Variants in XIST observed in about 807,000 individuals in gnomAD.
XIST encodes the protein X inactive specific transcript.
chrX:73,848,701 T>C, exon 1 of XIST: 1 of 558,479 alleles, frequency 1.8e-6, no homozygotes, highest in African/African-American at 2.2e-5. Flanking sequence ...GGGGTGAGAA[T>C]CCATTTTTAT....
exon 6 of XIST, chrX:73,823,372 A>T (rs1411405131): frequency 2.0e-6 from 1 of 505,745 alleles, no homozygotes; most frequent in Admixed American, 2.7e-5. Flanking sequence ...GACCTATTTA[A>T]TTTACGAAAC....
exon 1 of XIST, chrX:73,843,228 C>A: frequency 5.4e-6 from 3 of 558,318 alleles, no homozygotes; most frequent in Non-Finnish European, 9.7e-6. Flanking sequence ...GCATAATATC[C>A]CACTCTACCA....
chrX:73,842,252 GACA>G (rs1222409132), exon 1 of XIST: 5 of 533,727 alleles, frequency 9.4e-6, no homozygotes, highest in African/African-American at 4.5e-5. Flanking sequence ...ATACAAAGGG[GACA>G]ACAAGAGATT....
At chrX:73,822,006 G>C in exon 6 of XIST, 1 of 558,479 alleles carries the variant, frequency 1.8e-6, no homozygotes, top group Non-Finnish European at 3.2e-6. Flanking sequence ...TTCTGAAAGA[G>C]ATCTATTTAG....
exon 1 of XIST, chrX:73,849,172 C>A (rs1307186881): frequency 3.6e-6 from 2 of 557,581 alleles, no homozygotes; most frequent in Non-Finnish European, 6.5e-6. Flanking sequence ...ATGGGTGAGA[C>A]AATTAGCAAT....
At chrX:73,844,644 A>G (rs1481788242) in exon 1 of XIST, 2 of 557,811 alleles carry the variant, frequency 3.6e-6, no homozygotes, top group East Asian at 6.5e-5. Flanking sequence ...TTATGCGTAG[A>G]TGGGATGGGG....
At chrX:73,825,743 T>C in exon 6 of XIST, 1 of 515,576 alleles carries the variant, frequency 1.9e-6, no homozygotes, top group Non-Finnish European at 3.5e-6. Context: ...CTGATTTACA[T>C]AATGCTTCAC....
At chrX:73,834,193 A>AT (rs1423122179) in intron 2 of XIST, among the ~76,000 whole-genome samples, 2 of 112,239 alleles carry the variant, frequency 1.8e-5, no homozygotes, top group Admixed American at 1.9e-4. Context: ...CTAAAACTCC[A>AT]TTAATGAGAG....
At chrX:73,822,308 CCA>C (rs765311110) in exon 6 of XIST, 1 of 556,947 alleles carries the variant, frequency 1.8e-6, no homozygotes, top group Non-Finnish European at 3.2e-6. Flanking sequence ...ATCGTAGTGG[CCA>C]GAGTGGTAGA....
chrX:73,847,216 A>AATTCAGTCCAAGAGAGTGAATTCAG, exon 1 of XIST: 1 of 558,724 alleles, frequency 1.8e-6, no homozygotes, highest in Admixed American at 2.2e-5. Flanking sequence ...AATTCAGGCT[A>AATTCAGTCCAAGAGAGTGAATTCAG]GTTAGAAGCT....
chrX:73,840,424 G>A (rs1445235729), intron 1 of XIST, among the ~76,000 whole-genome samples: 1 of 111,440 alleles, frequency 9.0e-6, no homozygotes, highest in Non-Finnish European at 1.9e-5. Context: ...TGTGATGCAT[G>A]AATGTGCACC....
At chrX:73,838,097 A>C (rs1603361566) in intron 1 of XIST, among the ~76,000 whole-genome samples, 1 of 111,591 alleles carries the variant, frequency 9.0e-6, no homozygotes, top group Non-Finnish European at 1.9e-5. Flanking sequence ...GTCAAGGGAG[A>C]TCTATAAGGC....
At chrX:73,840,453 G>A (rs769716774) in intron 1 of XIST, among the ~76,000 whole-genome samples, 2 of 111,586 alleles carry the variant, frequency 1.8e-5, no homozygotes, top group East Asian at 5.7e-4. Context: ...AGTTTCGAAT[G>A]TTATGTTAAA....
chrX:73,845,116 T>C, exon 1 of XIST: 1 of 555,016 alleles, frequency 1.8e-6, no homozygotes, highest in Non-Finnish European at 3.2e-6. Context: ...CACACATTTA[T>C]GTCCAAGGTG....
At position 73,850,161 on chromosome X, in the gene XIST, T is replaced by G. The variant is rs776233109; in HGVS notation, n.2563A>C. ...TTTACATTAGGTCATGAAGTTAAAT[T>G]TTTTACTGTTTCTGTGCTACAGACT... On this transcript the variant is annotated non_coding_transcript_exon_variant, in exon 1 of 6. Coordinates refer to ENST00000429829, the Ensembl canonical transcript of XIST. The G allele has an allele frequency of 7.2e-6, 4 of 557,463 alleles. No homozygotes were observed. In the East Asian group the frequency reaches 1.3e-4, roughly 18 times the overall value. The allele number at this position is 557,463 out of a possible 1,213,427, so 45.9% of individuals were successfully genotyped here.
exon 1 of XIST, chrX:73,850,259 G>C: frequency 1.8e-6 from 1 of 550,761 alleles, no homozygotes; most frequent in Non-Finnish European, 3.3e-6. Context: ...GAAATGATTT[G>C]ACTTTGACTA....
exon 6 of XIST, chrX:73,826,415 G>A: frequency 1.8e-6 from 1 of 557,405 alleles, no homozygotes; most frequent in Non-Finnish European, 3.2e-6. Flanking sequence ...AAGTGGAGAA[G>A]ATGTGAATAG....
At position 73,833,367 on chromosome X, in the gene XIST, A is replaced by C. The variant is rs778630030; in HGVS notation, n.11414T>G. ...TGCAGTCCTCAGGTCTCACATGCTCAGAATGTCCTTAAGAAGAAAGACAGG... is the reference window on the plus strand; with the variant it reads ...TGCAGTCCTCAGGTCTCACATGCTCCGAATGTCCTTAAGAAGAAAGACAGG... On this transcript the variant is annotated non_coding_transcript_exon_variant, in exon 3 of 6. Coordinates refer to ENST00000429829, the Ensembl canonical transcript of XIST. 14 of 553,152 alleles carry C rather than the reference A, an allele frequency of 2.5e-5. No homozygotes were observed. In the Admixed American group the frequency reaches 3.1e-4, roughly 12 times the overall value. The allele number at this position is 553,152 out of a possible 1,213,427, so 45.6% of individuals were successfully genotyped here.
At chrX:73,827,588 A>G (rs771489927) in exon 6 of XIST, 23 of 545,085 alleles carry the variant, frequency 4.2e-5, no homozygotes, top group Non-Finnish European at 6.6e-5. Context: ...AAAGGAGGCC[A>G]GACTCAGAAA....
Sources: allele counts gnomAD v4.1 joint callset (sites outside exome capture counted in the v4.1 genomes callset), GRCh38; gene constraint gnomAD v4.1.1; transcripts MANE v1.5; gene names NCBI Gene and HGNC (gene_info 2026-07-23, HGNC 2026-07-21).